The following CCM2 variants were observed in gnomAD, a reference collection of about 807,000 sequenced individuals.
CCM2 encodes the protein CCM2 scaffold protein, also known as cerebral cavernous malformations 2 protein.
CCM2 carries 25 observed loss-of-function variants against 44.9 expected under a neutral mutation model. The ratio of observed to expected loss-of-function variants is 0.56; its 90% CI spans 0.41 to 0.78. The LOEUF (loss-of-function observed/expected upper bound fraction) is 0.78, where lower values mean the gene tolerates loss of function less well. Ranked by LOEUF, CCM2 falls within the 30% of genes least tolerant of loss-of-function variation. The pLI is 0.00. For synonymous variants in CCM2, 219 were observed against 241.1 expected (o/e 0.91, Z 0.85); for missense variants, 481 against 580.6 (o/e 0.83, Z 1.76).
At chr7:45,054,235 A>G (rs1898961) in intron 2 of CCM2, among the ~76,000 whole-genome samples, 20,132 of 152,038 alleles carry the variant, frequency 0.13, 1,636 homozygotes, top group Admixed American at 0.2. Context: ...TTTGAGGCCT[A>G]TGTGTTATAT....
At chr7:45,060,110 TC>T (rs1798452521) in intron 2 of CCM2, among the ~76,000 whole-genome samples, 3 of 152,244 alleles carry the variant, frequency 2.0e-5, no homozygotes, top group Non-Finnish European at 2.9e-5. Flanking sequence ...TTTCATTCTC[TC>T]TGAAGAAGTT....
intron 2 of CCM2, among the ~76,000 whole-genome samples, chr7:45,046,715 TAAAA>T (rs1368178887): frequency 1.3e-5 from 2 of 152,094 alleles, no homozygotes; most frequent in South Asian, 2.1e-4. Flanking sequence ...GCATAATTCA[TAAAA>T]GAAAAAACTG....
At chr7:45,056,742 T>C (rs1798282201) in intron 2 of CCM2, among the ~76,000 whole-genome samples, 1 of 152,220 alleles carries the variant, frequency 6.6e-6, no homozygotes, top group Admixed American at 6.5e-5. Context: ...TCAGATATGA[T>C]TGGAAACATT....
intron 1 of CCM2, among the ~76,000 whole-genome samples, chr7:45,012,992 T>C (rs900918439): frequency 6.6e-6 from 1 of 152,228 alleles, no homozygotes; most frequent in Admixed American, 6.5e-5. Flanking sequence ...TTGTGAAGTT[T>C]ACATAATTGA....
At chr7:45,066,917 T>A (rs77123581) in intron 4 of CCM2, among the ~76,000 whole-genome samples, 1 of 152,018 alleles carries the variant, frequency 6.6e-6, no homozygotes, top group African/African-American at 2.4e-5. Flanking sequence ...TTTTTTTTTT[T>A]TGAGACGGAG....
intron 1 of CCM2, among the ~76,000 whole-genome samples, chr7:45,020,444 G>A (rs1244738532): frequency 6.6e-6 from 1 of 152,058 alleles, no homozygotes; most frequent in Non-Finnish European, 1.5e-5. Flanking sequence ...GGGTGGAATG[G>A]CATTTTTATC....
chr7:45,015,896 C>T (rs1038786473), intron 1 of CCM2, among the ~76,000 whole-genome samples: 2 of 152,178 alleles, frequency 1.3e-5, no homozygotes, highest in African/African-American at 2.4e-5. Context: ...GCTGCCCCCA[C>T]CTCCCCATCC....
At chr7:45,070,870 C>T (rs1337353948) in intron 6 of CCM2, 1 of 156,446 alleles carries the variant, frequency 6.4e-6, no homozygotes, top group South Asian at 1.9e-4. Flanking sequence ...GAGATAAGTC[C>T]CAGCCCTCTG....
At chr7:45,068,194 T>C (rs1275183811) in intron 4 of CCM2, 3 of 576,480 alleles carry the variant, frequency 5.2e-6, no homozygotes, top group Non-Finnish European at 9.4e-6. Context: ...TATATGAACT[T>C]GAAGCGTGTG....
intron 1 of CCM2, among the ~76,000 whole-genome samples, chr7:45,033,525 C>T (rs889674695): frequency 6.6e-6 from 1 of 152,184 alleles, no homozygotes; most frequent in African/African-American, 2.4e-5. Context: ...CTTGCCCACA[C>T]TGTCAGATTC....
rs191285918 is a variant in CCM2 at position 45,067,143 on chromosome 7, G to A, written c.473-1300G>A. 3.6e-3 allele frequency among the ~76,000 whole-genome samples: 541 copies of A among 150,870 alleles called. 4 individuals carry two copies. The highest frequency in any genetic ancestry group is 0.012 in the African/African-American group (512 of 41,054). On this transcript the variant is annotated intron_variant, in intron 4 of 9. Coordinates refer to ENST00000258781, the MANE Select transcript of CCM2 (RefSeq NM_031443.4). ...TCTTGATCTCCTGACCTTGTGATCCGCCACCTTGGCCTCCCAAAGTGCTGG... is the reference window on the plus strand; with the variant it reads ...TCTTGATCTCCTGACCTTGTGATCCACCACCTTGGCCTCCCAAAGTGCTGG...
In CCM2 at chr7:45,021,086, G is replaced by A. The variant is rs553922497; in HGVS notation, c.31-17167G>A. ...TGCTGTGTCAGAAGGGCAGAGGTCA[G>A]GTGGATTTAAAGCTGTTGCACCAAA... On this transcript the variant is annotated intron_variant, in intron 1 of 9. Coordinates refer to ENST00000258781, the MANE Select transcript of CCM2 (RefSeq NM_031443.4). 4.6e-5 allele frequency among the ~76,000 whole-genome samples: 7 copies of A among 152,152 alleles called. 1 individual carries two copies. The South Asian group carries it at 1.5e-3, about 32-fold the overall frequency.
chr7:45,028,945 C>T (rs1796825808), intron 1 of CCM2, among the ~76,000 whole-genome samples: 2 of 152,080 alleles, frequency 1.3e-5, no homozygotes, highest in African/African-American at 2.4e-5. Context: ...CGGATGTGCA[C>T]CTTAGGCAGT....
intron 1 of CCM2, among the ~76,000 whole-genome samples, chr7:45,020,112 T>C (rs4599721): frequency 0.87 from 131,881 of 152,190 alleles, 57,456 homozygotes; most frequent in African/African-American, 0.96. Context: ...AGCTTTTTTT[T>C]CTCTGCTCCA....
At chr7:45,033,297 G>A (rs1797055796) in intron 1 of CCM2, among the ~76,000 whole-genome samples, 1 of 152,178 alleles carries the variant, frequency 6.6e-6, no homozygotes, top group African/African-American at 2.4e-5. Context: ...TCTGTGTGGA[G>A]ACTATAATTT....
chr7:45,068,483 G>A lies in CCM2; in HGVS notation c.513G>A (p.Ala171=), dbSNP rs1484602729. Residue 171 remains alanine (A), a synonymous_variant, in exon 5 of 10, where the codon GCG becomes GCA. Transcript: ENST00000258781. ...TCTCCCCCAGCCAGAGTCTGTGTGC[G>A]GAAAGTTCCAGAGGCCTCAGTGCAG... is the stretch of plus-strand genomic sequence containing the variant. ...PGISPSQSLC[A]ESSRGLSAGS... 16 of 1,614,052 alleles carry A rather than the reference G, an allele frequency of 9.9e-6. No individual in the cohort carries two copies. Among genetic ancestry groups the A allele is most frequent in the African/African-American group, 6.7e-5 (5 of 74,918 alleles).
chr7:45,003,204 T>C (rs1795716506), intron 1 of CCM2, among the ~76,000 whole-genome samples: 1 of 152,010 alleles, frequency 6.6e-6, no homozygotes, highest in Non-Finnish European at 1.5e-5. Flanking sequence ...GCCTCCCGAG[T>C]AGCTGGGATT....
intron 1 of CCM2, among the ~76,000 whole-genome samples, chr7:45,000,776 C>T (rs1795580422): frequency 6.6e-6 from 1 of 152,204 alleles, no homozygotes; most frequent in South Asian, 2.1e-4. Flanking sequence ...CAAGGGTGGC[C>T]TTCACCTTAT....
chr7:45,064,691 C>T, intron 4 of CCM2, 45 bp downstream of exon 4: 1 of 1,601,980 alleles, frequency 6.2e-7, no homozygotes, highest in South Asian at 1.1e-5. Flanking sequence ...CTAAGGAGTA[C>T]ATGTGTGAAT....
Sources: gnomAD v4.1 joint callset for allele counts (sites outside exome capture counted in the v4.1 genomes callset) on GRCh38, gnomAD v4.1.1 for gene constraint, MANE v1.5 for transcripts, NCBI Gene and HGNC (gene_info 2026-07-23, HGNC 2026-07-21) for gene names.